DLGAP2: variants seen among roughly 807,000 people sequenced by gnomAD.
The protein encoded by DLGAP2 is disks large-associated protein 2.
A neutral mutation model predicts 100.3 loss-of-function variants in DLGAP2; 26 were observed. The ratio of observed to expected loss-of-function variants is 0.26; its 90% CI spans 0.19 to 0.36. DLGAP2 has a LOEUF of 0.36. Ranked by LOEUF, DLGAP2 falls within the 10% of genes least tolerant of loss-of-function variation. The pLI is 1.00. For missense variants in DLGAP2, 1,858 were observed against 1,453.2 expected (o/e 1.28, Z -4.53); for synonymous variants, 886 against 630.1 (o/e 1.41, Z -6.08).
chr8:1,070,105 A>C (rs185884631), intron 2 of DLGAP2, among the ~76,000 whole-genome samples: 2 of 152,318 alleles, frequency 1.3e-5, no homozygotes, highest in East Asian at 3.9e-4. Flanking sequence ...GAAAACCTGT[A>C]CTTGAGGAAA....
intron 3 of DLGAP2, among the ~76,000 whole-genome samples, chr8:1,285,246 G>T (rs1799898732): frequency 6.6e-6 from 1 of 152,022 alleles, no homozygotes; most frequent in East Asian, 1.9e-4. Flanking sequence ...TAAACTAGAG[G>T]TCACACATCT....
At chr8:1,025,125 C>T (rs1367119217) in intron 2 of DLGAP2, among the ~76,000 whole-genome samples, 3 of 150,674 alleles carry the variant, frequency 2.0e-5, no homozygotes, top group East Asian at 2.0e-4. Flanking sequence ...CGTGCATGTG[C>T]GTGTGCATGT....
intron 1 of DLGAP2, among the ~76,000 whole-genome samples, chr8:835,666 T>C (rs1441465357): frequency 6.6e-6 from 1 of 152,230 alleles, no homozygotes; most frequent in Non-Finnish European, 1.5e-5. Flanking sequence ...ACTTCAGGTT[T>C]GCTACCTGTG....
chr8:1,249,695 T>C (rs1392985978), intron 2 of DLGAP2, among the ~76,000 whole-genome samples: 1 of 152,158 alleles, frequency 6.6e-6, no homozygotes, highest in Non-Finnish European at 1.5e-5. Flanking sequence ...ACTGGAGTCA[T>C]GAGCAGCATT....
At chr8:760,271 G>C (rs1045239433) in intron 1 of DLGAP2, among the ~76,000 whole-genome samples, 2 of 152,132 alleles carry the variant, frequency 1.3e-5, no homozygotes, top group Admixed American at 1.3e-4. Context: ...ATCTGCGGGG[G>C]TTTCTTTCCT....
chr8:1,540,710 C>A (rs1266540648), intron 4 of DLGAP2, among the ~76,000 whole-genome samples: 1 of 152,214 alleles, frequency 6.6e-6, no homozygotes, highest in African/African-American at 2.4e-5. Flanking sequence ...GCGGACAGAG[C>A]CCAGCGTGGG....
chr8:1,480,939 G>A (rs893022608), intron 3 of DLGAP2, among the ~76,000 whole-genome samples: 1 of 152,018 alleles, frequency 6.6e-6, no homozygotes, highest in African/African-American at 2.4e-5. Context: ...TTGGGAGGCC[G>A]AGGCGGGCAG....
At chr8:1,441,286 A>G (rs1797824862) in intron 3 of DLGAP2, among the ~76,000 whole-genome samples, 1 of 152,218 alleles carries the variant, frequency 6.6e-6, no homozygotes, top group South Asian at 2.1e-4. Context: ...AAAATTGCAT[A>G]AAATTACGTT....
At chr8:1,093,458 C>G (rs925094455) in intron 2 of DLGAP2, among the ~76,000 whole-genome samples, 21 of 152,006 alleles carry the variant, frequency 1.4e-4, no homozygotes, top group Non-Finnish European at 2.8e-4. Context: ...CACTTTCACA[C>G]CAACAGCCAG....
intron 2 of DLGAP2, among the ~76,000 whole-genome samples, chr8:1,197,982 A>G (rs7003281): frequency 0.2 from 30,614 of 152,048 alleles, 3,225 homozygotes; most frequent in East Asian, 0.34. Context: ...TGTCTGTCCT[A>G]TGAGTGACCT....
At chr8:1,366,130 C>T (rs1313622865) in intron 3 of DLGAP2, among the ~76,000 whole-genome samples, 3 of 152,272 alleles carry the variant, frequency 2.0e-5, no homozygotes, top group Non-Finnish European at 4.4e-5. Flanking sequence ...CAAGTTTTTA[C>T]AAGTTGAAAA....
At chr8:755,019 G>T (rs553478912) in intron 1 of DLGAP2, among the ~76,000 whole-genome samples, 26 of 152,268 alleles carry the variant, frequency 1.7e-4, no homozygotes, top group African/African-American at 6.0e-4. Flanking sequence ...TGGCATGTCT[G>T]GTGGATACAA....
At chr8:948,423 G>T (rs115232699) in intron 2 of DLGAP2, among the ~76,000 whole-genome samples, 1 of 152,192 alleles carries the variant, frequency 6.6e-6, no homozygotes, top group Non-Finnish European at 1.5e-5. Flanking sequence ...GGGCGACAGG[G>T]TCCCATGCCT....
intron 4 of DLGAP2, among the ~76,000 whole-genome samples, chr8:1,506,329 T>C (rs961674373): frequency 6.6e-6 from 1 of 152,210 alleles, no homozygotes; most frequent in African/African-American, 2.4e-5. Context: ...CGGAAGTGTA[T>C]TACATTGTAG....
chr8:1,453,190 C>A (rs889004038), intron 3 of DLGAP2, among the ~76,000 whole-genome samples: 1 of 151,972 alleles, frequency 6.6e-6, no homozygotes, highest in Non-Finnish European at 1.5e-5. Context: ...CCTACTGAGC[C>A]CAGGATGGAA....
chr8:1,678,170 C>T, intron 11 of DLGAP2, 44 bp from the exon 12 acceptor site: 2 of 1,560,208 alleles, frequency 1.3e-6, no homozygotes. Flanking sequence ...GCATGAAGTC[C>T]TCTCAGAAGG....
At chr8:1,468,596 C>T (rs1249684263) in intron 3 of DLGAP2, among the ~76,000 whole-genome samples, 1 of 152,228 alleles carries the variant, frequency 6.6e-6, no homozygotes, top group South Asian at 2.1e-4. Context: ...ACCCCGGCAT[C>T]CCTCCACCCT....
chr8:858,903 G>A (rs1031752175), intron 1 of DLGAP2, among the ~76,000 whole-genome samples: 7 of 152,054 alleles, frequency 4.6e-5, no homozygotes, highest in African/African-American at 1.2e-4. Context: ...ATCAATATTC[G>A]CTCCTTACAG....
chr8:1,536,006 G>T (rs1181253846), intron 4 of DLGAP2, among the ~76,000 whole-genome samples: 1 of 152,156 alleles, frequency 6.6e-6, no homozygotes, highest in African/African-American at 2.4e-5. Context: ...TAGTGTGTCG[G>T]CTATAATGTA....
Sources: allele counts gnomAD v4.1 joint callset (sites outside exome capture counted in the v4.1 genomes callset), GRCh38; gene constraint gnomAD v4.1.1; transcripts MANE v1.5; gene names NCBI Gene and HGNC (gene_info 2026-07-23, HGNC 2026-07-21).